The following GRIA1 variants were observed in gnomAD, a reference collection of about 807,000 sequenced individuals.
The protein encoded by GRIA1 is glutamate receptor 1.
A neutral mutation model predicts 99.2 loss-of-function variants in GRIA1; 31 were observed. The observed-to-expected ratio is 0.31, with a 90% CI of 0.23 to 0.42. The LOEUF is 0.42. Among genes scored for constraint, GRIA1 ranks in the 10% least tolerant of loss-of-function variants. The pLI, the probability that GRIA1 is intolerant of heterozygous loss-of-function variation, is 1.00. For synonymous variants in GRIA1, 438 were observed against 432.4 expected (o/e 1.01, Z -0.16); for missense variants, 782 against 1,157.5 (o/e 0.68, Z 4.71).
At position 153,530,438 on chromosome 5, in the gene GRIA1, G is replaced by T. The variant is rs1757987468; in HGVS notation, c.220+36373G>T. Among the ~76,000 whole-genome samples, 2 of 152,196 alleles carry T rather than the reference G, an allele frequency of 1.3e-5. 1 individual carries two copies. Among genetic ancestry groups the T allele is most frequent in the South Asian group, 4.1e-4 (2 of 4,834 alleles). ...CTCTGGCCCTGACTGCCTCCATCTT[G>T]GTTTCTTGCCCTGCATGGGTTCATC... On this transcript the variant is annotated intron_variant, in intron 2 of 15. Transcript: ENST00000285900.
chr5:153,501,180 ATGAATTCAT>A (rs1754980730), intron 2 of GRIA1, among the ~76,000 whole-genome samples: 1 of 152,184 alleles, frequency 6.6e-6, no homozygotes, highest in South Asian at 2.1e-4. Flanking sequence ...GGGGCCTCAG[ATGAATTCAT>A]TCAATATTTA....
At chr5:153,774,048 G>A (rs558012646) in intron 13 of GRIA1, among the ~76,000 whole-genome samples, 21 of 146,266 alleles carry the variant, frequency 1.4e-4, no homozygotes, top group Non-Finnish European at 2.5e-4. Context: ...GAGTAACCAC[G>A]CCTCTCCTAC....
At chr5:153,723,596 C>T (rs10071192) in intron 11 of GRIA1, among the ~76,000 whole-genome samples, 28 of 152,114 alleles carry the variant, frequency 1.8e-4, no homozygotes, top group Non-Finnish European at 3.8e-4. Flanking sequence ...ATTATATCCC[C>T]CACCTGGCTC....
chr5:153,712,360 C>T (rs941538130), intron 11 of GRIA1, among the ~76,000 whole-genome samples: 1 of 152,160 alleles, frequency 6.6e-6, no homozygotes, highest in Admixed American at 6.5e-5. Context: ...TTGTTGAGGG[C>T]CTTTTAACTG....
intron 2 of GRIA1, among the ~76,000 whole-genome samples, chr5:153,592,857 T>G (rs1764087226): frequency 6.6e-6 from 1 of 152,208 alleles, no homozygotes; most frequent in African/African-American, 2.4e-5. Flanking sequence ...AGTTTACAGA[T>G]GGCCACCTTC....
intron 11 of GRIA1, among the ~76,000 whole-genome samples, chr5:153,740,183 A>G (rs1231256763): frequency 6.6e-6 from 1 of 152,226 alleles, no homozygotes; most frequent in Non-Finnish European, 1.5e-5. Context: ...TGACTAATGT[A>G]TTAGGGATTG....
At chr5:153,803,857 C>T (rs1365711021) in intron 15 of GRIA1, among the ~76,000 whole-genome samples, 2 of 152,200 alleles carry the variant, frequency 1.3e-5, no homozygotes, top group Non-Finnish European at 2.9e-5. Context: ...ATCCTACACA[C>T]ACCTCCGGGG....
chr5:153,526,485 T>G (rs1757611533), intron 2 of GRIA1, among the ~76,000 whole-genome samples: 1 of 152,202 alleles, frequency 6.6e-6, no homozygotes, highest in Non-Finnish European at 1.5e-5. Context: ...TTAAAACAAC[T>G]TACATGAAAA....
At chr5:153,505,113 G>C (rs544795595) in intron 2 of GRIA1, among the ~76,000 whole-genome samples, 1 of 152,312 alleles carries the variant, frequency 6.6e-6, no homozygotes, top group African/African-American at 2.4e-5. Flanking sequence ...GCTGGCTCCT[G>C]TCCAAGGCAA....
intron 14 of GRIA1, among the ~76,000 whole-genome samples, chr5:153,798,922 TG>T (rs1020413513): frequency 6.6e-6 from 1 of 151,728 alleles, no homozygotes; most frequent in African/African-American, 2.4e-5. Context: ...AACAGATGAG[TG>T]GGGGGGTTTC....
chr5:153,764,220 G>A (rs908590920), intron 11 of GRIA1, among the ~76,000 whole-genome samples: 9 of 152,136 alleles, frequency 5.9e-5, no homozygotes, highest in Non-Finnish European at 1.0e-4. Context: ...CACCCCTGAA[G>A]GACAGCAACC....
intron 11 of GRIA1, among the ~76,000 whole-genome samples, chr5:153,728,259 A>T (rs1398306182): frequency 2.0e-5 from 3 of 151,926 alleles, no homozygotes; most frequent in African/African-American, 7.3e-5. Flanking sequence ...CTTAAACGTT[A>T]GACCTAAAAC....
At chr5:153,733,409 C>T (rs918252748) in intron 11 of GRIA1, among the ~76,000 whole-genome samples, 6 of 151,922 alleles carry the variant, frequency 3.9e-5, no homozygotes, top group Non-Finnish European at 2.9e-5. Flanking sequence ...TCAAGGCATA[C>T]CACTACAGAA....
At chr5:153,760,020 C>T (rs1763076201) in intron 11 of GRIA1, among the ~76,000 whole-genome samples, 1 of 151,932 alleles carries the variant, frequency 6.6e-6, no homozygotes, top group Non-Finnish European at 1.5e-5. Flanking sequence ...AAACCCTCAA[C>T]AAATTAACTA....
At chr5:153,596,007 G>C (rs906626160) in intron 2 of GRIA1, among the ~76,000 whole-genome samples, 6 of 142,086 alleles carry the variant, frequency 4.2e-5, no homozygotes, top group African/African-American at 1.5e-4. Flanking sequence ...CCTTATTAGG[G>C]AAATACACAT....
intron 8 of GRIA1, among the ~76,000 whole-genome samples, chr5:153,695,230 C>G (rs1272855659): frequency 6.6e-6 from 1 of 151,984 alleles, no homozygotes; most frequent in Non-Finnish European, 1.5e-5. Flanking sequence ...GCACTATCTG[C>G]ATAGTGTAAA....
intron 11 of GRIA1, among the ~76,000 whole-genome samples, chr5:153,731,975 T>A (rs937655818): frequency 5.3e-5 from 8 of 152,136 alleles, no homozygotes; most frequent in Non-Finnish European, 1.2e-4. Context: ...AGATTCCACA[T>A]ATAAGTGGGA....
At chr5:153,637,315 T>C (rs938991642) in intron 2 of GRIA1, among the ~76,000 whole-genome samples, 1 of 152,186 alleles carries the variant, frequency 6.6e-6, no homozygotes, top group South Asian at 2.1e-4. Flanking sequence ...GTAAATTAAA[T>C]ACACTTTAAA....
intron 2 of GRIA1, among the ~76,000 whole-genome samples, chr5:153,631,175 G>A (rs771799303): frequency 6.6e-6 from 1 of 152,154 alleles, no homozygotes; most frequent in East Asian, 1.9e-4. Flanking sequence ...TGTCCTAAAA[G>A]GGGAACATCT....
Sources: gnomAD v4.1 joint callset for allele counts (sites outside exome capture counted in the v4.1 genomes callset) on GRCh38, gnomAD v4.1.1 for gene constraint, MANE v1.5 for transcripts, NCBI Gene and HGNC (gene_info 2026-07-23, HGNC 2026-07-21) for gene names.